Variants in LTBP1 observed in about 807,000 individuals in gnomAD.
LTBP1 encodes latent transforming growth factor beta binding protein 1, also known as latent-transforming growth factor beta-binding protein 1.
LTBP1 carries 129 observed loss-of-function variants against 207.6 expected under a neutral mutation model. The observed-to-expected ratio is 0.62, with a 90% CI of 0.54 to 0.72. The LOEUF is 0.72. LTBP1 is among the 30% of genes least tolerant of loss of function. The probability of loss-of-function intolerance (pLI) is 0.00; values close to 1 mark genes in which losing one functional copy is unlikely to be tolerated. For synonymous variants in LTBP1, 963 were observed against 833.7 expected (o/e 1.16, Z -2.67); for missense variants, 2,281 against 2,217.2 (o/e 1.03, Z -0.58).
intron 5 of LTBP1, among the ~76,000 whole-genome samples, chr2:33,176,488 G>A (rs1163848575): frequency 6.6e-6 from 1 of 152,158 alleles, no homozygotes; most frequent in African/African-American, 2.4e-5. Flanking sequence ...GCCTCCCAAA[G>A]TGCTGAGATT....
At chr2:32,958,961 C>G (rs1678544588) in intron 2 of LTBP1, among the ~76,000 whole-genome samples, 1 of 152,170 alleles carries the variant, frequency 6.6e-6, no homozygotes, top group African/African-American at 2.4e-5. Flanking sequence ...AGATTTGGGA[C>G]TAAGTAAAAT....
chr2:33,229,679 T>G (rs1292573892), intron 9 of LTBP1, among the ~76,000 whole-genome samples: 1 of 151,528 alleles, frequency 6.6e-6, no homozygotes, highest in Non-Finnish European at 1.5e-5. Context: ...AGTAATTGCA[T>G]GAGTTTTTTT....
chr2:32,983,946 G>T (rs749755201), intron 2 of LTBP1, among the ~76,000 whole-genome samples: 4 of 152,090 alleles, frequency 2.6e-5, no homozygotes, highest in African/African-American at 9.7e-5. Context: ...TTAGATCTTT[G>T]GAACATAAAG....
intron 15 of LTBP1, among the ~76,000 whole-genome samples, chr2:33,268,634 G>T (rs541941264): frequency 1.3e-5 from 2 of 152,190 alleles, no homozygotes; most frequent in African/African-American, 2.4e-5. Flanking sequence ...TCTTGATTTA[G>T]CATAGTGTCT....
chr2:33,381,248 A>C (rs1159778395), intron 31 of LTBP1, among the ~76,000 whole-genome samples: 1 of 152,252 alleles, frequency 6.6e-6, no homozygotes, highest in Non-Finnish European at 1.5e-5. Flanking sequence ...TAATACTATT[A>C]CAGTAGTATA....
chr2:33,119,176 T>TTTC (rs1553413660), intron 4 of LTBP1, among the ~76,000 whole-genome samples: 45 of 151,616 alleles, frequency 3.0e-4, no homozygotes, highest in East Asian at 1.4e-3. Context: ...ATTTTTTTTT[T>TTTC]CCCTAGGGAA....
chr2:33,307,488 C>G (rs1450700241), intron 22 of LTBP1, among the ~76,000 whole-genome samples: 1 of 152,162 alleles, frequency 6.6e-6, no homozygotes, highest in Non-Finnish European at 1.5e-5. Flanking sequence ...CACACAGCAA[C>G]TTGGGTGAAT....
intron 5 of LTBP1, among the ~76,000 whole-genome samples, chr2:33,175,308 C>G (rs1203009559): frequency 6.6e-6 from 1 of 151,602 alleles, no homozygotes. Context: ...AACAAATTTA[C>G]AAGAAAAAAA....
chr2:33,256,518 G>A (rs1212036618), intron 11 of LTBP1, among the ~76,000 whole-genome samples: 3 of 151,418 alleles, frequency 2.0e-5, no homozygotes, highest in African/African-American at 7.3e-5. Flanking sequence ...TTAGACAAAT[G>A]TCACTGAGTT....
intron 4 of LTBP1, among the ~76,000 whole-genome samples, chr2:33,114,177 G>A (rs982469416): frequency 6.6e-6 from 1 of 152,198 alleles, no homozygotes; most frequent in Non-Finnish European, 1.5e-5. Context: ...TTAATAACTT[G>A]TGGTGTTCTG....
At chr2:33,047,302 T>A (rs927302239) in intron 3 of LTBP1, among the ~76,000 whole-genome samples, 1 of 152,252 alleles carries the variant, frequency 6.6e-6, no homozygotes, top group Non-Finnish European at 1.5e-5. Context: ...CCAGAGATTC[T>A]GGTACGTTGT....
At chr2:33,392,393 G>A (rs116374580) in intron 32 of LTBP1, among the ~76,000 whole-genome samples, 2,052 of 152,198 alleles carry the variant, frequency 0.013, 15 homozygotes, top group Non-Finnish European at 0.021. Context: ...CACCACGTTG[G>A]CCAGGGTGGT....
At position 33,240,383 on chromosome 2, in the gene LTBP1, C is replaced by T. The variant is rs2092268694; in HGVS notation, c.1877-3279C>T. 2.6e-5 allele frequency among the ~76,000 whole-genome samples: 4 copies of T among 152,212 alleles called. No homozygotes were observed. In the South Asian group the frequency reaches 8.3e-4, roughly 32 times the overall value. ...ATGTCATCACTTGGAATGTTCTTCT[C>T]TCATCCAGATACAATGCGTTCAGTT... is the stretch of plus-strand genomic sequence containing the variant. On this transcript the variant is annotated intron_variant, in intron 9 of 33. Coordinates refer to ENST00000404816, the MANE Select transcript of LTBP1 (RefSeq NM_206943.4).
intron 4 of LTBP1, among the ~76,000 whole-genome samples, chr2:33,112,839 C>A (rs546606958): frequency 6.6e-6 from 1 of 152,104 alleles, no homozygotes; most frequent in African/African-American, 2.4e-5. Context: ...AGAAGCCTTA[C>A]ATGGAACAGA....
intron 31 of LTBP1, among the ~76,000 whole-genome samples, chr2:33,368,550 A>G (rs1268267395): frequency 6.6e-6 from 1 of 152,236 alleles, no homozygotes; most frequent in Non-Finnish European, 1.5e-5. Context: ...TGACAAATAA[A>G]AATACCAGGC....
At chr2:33,261,919 G>A (rs1055529840) in intron 13 of LTBP1, among the ~76,000 whole-genome samples, 3 of 152,242 alleles carry the variant, frequency 2.0e-5, no homozygotes, top group Non-Finnish European at 2.9e-5. Flanking sequence ...ACAGAACCAA[G>A]TAACTCGATG....
intron 19 of LTBP1, among the ~76,000 whole-genome samples, chr2:33,286,491 A>G (rs1430309898): frequency 6.6e-6 from 1 of 152,206 alleles, no homozygotes; most frequent in Non-Finnish European, 1.5e-5. Flanking sequence ...TACAGCAGAT[A>G]TTTGTTTTAT....
chr2:33,368,666 C>T (rs921454248), intron 31 of LTBP1, among the ~76,000 whole-genome samples: 8 of 152,304 alleles, frequency 5.3e-5, no homozygotes, highest in Non-Finnish European at 1.0e-4. Context: ...TGCCTGAGCT[C>T]GGGAGTTTGA....
intron 3 of LTBP1, among the ~76,000 whole-genome samples, chr2:33,090,420 C>T (rs778227140): frequency 4.6e-5 from 7 of 152,092 alleles, no homozygotes; most frequent in Non-Finnish European, 8.8e-5. Flanking sequence ...TGTGACATTG[C>T]TCTTAACTCT....
Sources: gnomAD v4.1 joint callset for allele counts (sites outside exome capture counted in the v4.1 genomes callset) on GRCh38, gnomAD v4.1.1 for gene constraint, MANE v1.5 for transcripts, NCBI Gene and HGNC (gene_info 2026-07-23, HGNC 2026-07-21) for gene names.